The following BCKDHB variants were observed in gnomAD, a reference collection of about 807,000 sequenced individuals.
The protein encoded by BCKDHB is 2-oxoisovalerate dehydrogenase subunit beta, mitochondrial.
Under a neutral mutation model 48.5 loss-of-function variants are expected in BCKDHB, and 41 were observed. The observed-to-expected ratio is 0.85, with a 90% CI of 0.66 to 1.10. The LOEUF (loss-of-function observed/expected upper bound fraction) is 1.10. Ranked by LOEUF, BCKDHB falls within the 50% of genes least tolerant of loss-of-function variation. The pLI is 0.00. For missense variants in BCKDHB, 496 were observed against 494.2 expected, an observed-to-expected ratio of 1.00 and a Z score of -0.03; for synonymous variants, 201 against 174.8, an observed-to-expected ratio of 1.15 and a Z score of -1.18.
the BCKDHB span, among the ~76,000 whole-genome samples, chr6:80,404,372 ATCTCT>A: frequency 2.0e-5 from 3 of 151,746 alleles, no homozygotes; most frequent in Non-Finnish European, 4.4e-5. Flanking sequence ...TATAATTATA[ATCTCT>A]TCTATTCCTT....
At chr6:80,130,646 A>T (rs1770580829) in intron 3 of BCKDHB, among the ~76,000 whole-genome samples, 2 of 152,204 alleles carry the variant, frequency 1.3e-5, no homozygotes, top group Non-Finnish European at 2.9e-5. Flanking sequence ...ATCTTTACAC[A>T]TTTGATTTCA....
At chr6:80,309,495 A>G (rs1417154578) in intron 9 of BCKDHB, among the ~76,000 whole-genome samples, 1 of 152,126 alleles carries the variant, frequency 6.6e-6, no homozygotes, top group Non-Finnish European at 1.5e-5. Context: ...TTATAAAAAT[A>G]TTTATCTTTG....
At chr6:80,132,486 T>C (rs1055414842) in intron 3 of BCKDHB, among the ~76,000 whole-genome samples, 6 of 152,200 alleles carry the variant, frequency 3.9e-5, no homozygotes, top group African/African-American at 1.4e-4. Flanking sequence ...TTTCCCTCTC[T>C]CACATTAATT....
chr6:80,401,157 C>G, the BCKDHB span, among the ~76,000 whole-genome samples: 2 of 146,822 alleles, frequency 1.4e-5, no homozygotes, highest in African/African-American at 5.4e-5. Context: ...TACAACAAAC[C>G]CCTGTGACAT....
At chr6:80,180,311 A>G (rs1457413085) in intron 6 of BCKDHB, among the ~76,000 whole-genome samples, 1 of 152,164 alleles carries the variant, frequency 6.6e-6, no homozygotes, top group Non-Finnish European at 1.5e-5. Flanking sequence ...TTTGAGTGCA[A>G]TGAATCTTTT....
rs1358780546 is a variant in BCKDHB at position 80,168,440 on chromosome 6, G to A, written c.478-435G>A. Among the ~76,000 whole-genome samples the A allele has an allele frequency of 9.5e-4, 83 of 87,368 alleles. 1 individual carries two copies. The highest frequency in any genetic ancestry group is 3.6e-3 in the African/African-American group (77 of 21,560). 57.3% of individuals were successfully genotyped at this position (87,368 alleles called of 152,430 possible). A position where few individuals can be genotyped will look rare whatever the true frequency, so the allele number is the denominator to read the frequency against. The stretch of plus-strand genomic sequence containing the variant: ...AGGGAGGGAAGGAAGAAAAGGAAGA[G>A]AGGGAGGGAGGGAGGGAGGGAGGGA... On this transcript the variant is annotated intron_variant, in intron 4 of 9. Coordinates refer to ENST00000320393, the MANE Select transcript of BCKDHB (RefSeq NM_183050.4).
chr6:80,415,628 A>T, the BCKDHB span, among the ~76,000 whole-genome samples: 1 of 152,174 alleles, frequency 6.6e-6, no homozygotes, highest in Non-Finnish European at 1.5e-5. Flanking sequence ...AGCCTACTTG[A>T]TAAGGCTTGA....
the BCKDHB span, among the ~76,000 whole-genome samples, chr6:80,396,653 C>T: frequency 6.6e-6 from 1 of 152,188 alleles, no homozygotes. Context: ...ATCACGGGGG[C>T]AGTTATGCCC....
intron 9 of BCKDHB, among the ~76,000 whole-genome samples, chr6:80,311,055 G>T (rs1232210631): frequency 1.3e-5 from 2 of 152,118 alleles, no homozygotes; most frequent in African/African-American, 4.8e-5. Context: ...TCACATTGTG[G>T]GTGGGACCCA....
At chr6:80,180,470 T>G (rs1445952050) in intron 6 of BCKDHB, among the ~76,000 whole-genome samples, 6 of 152,232 alleles carry the variant, frequency 3.9e-5, no homozygotes, top group Admixed American at 3.3e-4. Context: ...TATTCTTTAA[T>G]GTCTTTTGGT....
intron 9 of BCKDHB, among the ~76,000 whole-genome samples, chr6:80,321,694 G>A (rs1345356761): frequency 6.6e-6 from 1 of 152,134 alleles, no homozygotes. Flanking sequence ...ATGAAAAATA[G>A]TTTTAAGTGT....
intron 8 of BCKDHB, among the ~76,000 whole-genome samples, chr6:80,238,332 C>G (rs2127905137): frequency 6.6e-6 from 1 of 152,302 alleles, no homozygotes; most frequent in South Asian, 2.1e-4. Flanking sequence ...CTCCTGACCT[C>G]AGGTCATCTG....
At chr6:80,187,011 C>A (rs1362561590) in intron 6 of BCKDHB, among the ~76,000 whole-genome samples, 3 of 152,126 alleles carry the variant, frequency 2.0e-5, no homozygotes, top group Non-Finnish European at 4.4e-5. Flanking sequence ...AAGTAAGTAG[C>A]CTGTGAATTC....
intron 9 of BCKDHB, among the ~76,000 whole-genome samples, chr6:80,323,721 G>A (rs545781761): frequency 2.0e-5 from 3 of 152,092 alleles, no homozygotes; most frequent in Admixed American, 6.5e-5. Flanking sequence ...CACACTGATT[G>A]TGCTGCTCCT....
intron 8 of BCKDHB, among the ~76,000 whole-genome samples, chr6:80,218,230 G>A (rs73748750): frequency 0.016 from 2,489 of 152,166 alleles, 58 homozygotes; most frequent in African/African-American, 0.057. Flanking sequence ...GCTGAGTTAG[G>A]TTTTGTCGGT....
the BCKDHB span, among the ~76,000 whole-genome samples, chr6:80,367,149 T>C: frequency 6.6e-6 from 1 of 152,232 alleles, no homozygotes; most frequent in Non-Finnish European, 1.5e-5. Context: ...TTCCCTTGTT[T>C]GAAAAGCAAG....
At chr6:80,389,530 C>G in the BCKDHB span, among the ~76,000 whole-genome samples, 1 of 152,182 alleles carries the variant, frequency 6.6e-6, no homozygotes, top group African/African-American at 2.4e-5. Context: ...GTGCTTCTGC[C>G]AAGACTACCA....
Position 80,339,133 on chromosome 6 carries a change from G to A in BCKDHB, c.1039-4531G>A, listed in dbSNP as rs181528239. 1.5e-4 allele frequency among the ~76,000 whole-genome samples: 23 copies of A among 152,266 alleles called. No individual in the cohort carries two copies. In the East Asian group the frequency reaches 3.5e-3, roughly 23 times the overall value. ...GATTGACATACTTAAAACTTGAATG[G>A]AGAAATAGGGTTAGATATTGAGAGA... is the stretch of plus-strand genomic sequence containing the variant. On this transcript the variant is annotated intron_variant, in intron 9 of 9. Transcript: ENST00000320393.
At chr6:80,250,784 A>AT (rs1776807242) in intron 8 of BCKDHB, among the ~76,000 whole-genome samples, 1 of 152,160 alleles carries the variant, frequency 6.6e-6, no homozygotes, top group African/African-American at 2.4e-5. Flanking sequence ...CAGCATGCTT[A>AT]TCTAAGCTTA....
Sources: gnomAD v4.1 joint callset for allele counts (sites outside exome capture counted in the v4.1 genomes callset) on GRCh38, gnomAD v4.1.1 for gene constraint, MANE v1.5 for transcripts, NCBI Gene and HGNC (gene_info 2026-07-23, HGNC 2026-07-21) for gene names.